The following CERS5 variants were observed in gnomAD, a reference collection of about 807,000 sequenced individuals.
The protein encoded by CERS5 is ceramide synthase 5.
CERS5 carries 37 observed loss-of-function variants against 58.9 expected under a neutral mutation model. The observed-to-expected ratio is 0.63, with a 90% CI of 0.48 to 0.83. The LOEUF (loss-of-function observed/expected upper bound fraction) is 0.83, where lower values mean the gene tolerates loss of function less well. Ranked by LOEUF, CERS5 falls within the 40% of genes least tolerant of loss-of-function variation. CERS5 has a pLI of 0.00. For missense variants in CERS5, 398 were observed against 489.3 expected (o/e 0.81, Z 1.76); for synonymous variants, 147 against 177.8 (o/e 0.83, Z 1.38).
chr12:50,129,338 T>G lies in CERS5; in HGVS notation c.*1207A>C, dbSNP rs1951187810. On this transcript the variant is annotated 3_prime_UTR_variant, in exon 10 of 10. Transcript: ENST00000317551. The stretch of plus-strand genomic sequence containing the variant: ...TTATCCAATTGCATCTTTTGTCAGA[T>G]TAGCTACACCAACCAATCCAGTTTG... 3 of 152,198 alleles carry G rather than the reference T, an allele frequency of 2.0e-5. No homozygotes were observed. The highest frequency in any genetic ancestry group is 2.0e-4 in the Admixed American group (3 of 15,266). The allele number at this position is 152,198 out of a possible 1,614,324, so 9.4% of individuals were successfully genotyped here. A position where few individuals can be genotyped will look rare whatever the true frequency, so the allele number is the denominator to read the frequency against.
At chr12:50,142,841 T>G (rs1012829308) in intron 3 of CERS5, among the ~76,000 whole-genome samples, 1 of 152,176 alleles carries the variant, frequency 6.6e-6, no homozygotes, top group African/African-American at 2.4e-5. Flanking sequence ...TCCCAATCTA[T>G]TTAGGAAAAG....
At chr12:50,134,987 G>A (rs1433956562) in intron 8 of CERS5, among the ~76,000 whole-genome samples, 1 of 151,936 alleles carries the variant, frequency 6.6e-6, no homozygotes, top group Non-Finnish European at 1.5e-5. Context: ...TAGGACAGCA[G>A]TGGGACTCTA....
At chr12:50,157,998 G>T (rs186395689) in intron 1 of CERS5, among the ~76,000 whole-genome samples, 1 of 138,972 alleles carries the variant, frequency 7.2e-6, no homozygotes, top group African/African-American at 2.6e-5. Flanking sequence ...GGAGGTGGAA[G>T]TTGCAGTGAT....
At chr12:50,133,583 A>G (rs1300908369) in intron 9 of CERS5, 6 of 985,294 alleles carry the variant, frequency 6.1e-6, no homozygotes, top group East Asian at 1.1e-4. Flanking sequence ...ATGGTTCTGC[A>G]TATGATTTCC....
At chr12:50,140,819 T>C (rs1951932122) in intron 4 of CERS5, among the ~76,000 whole-genome samples, 1 of 150,936 alleles carries the variant, frequency 6.6e-6, no homozygotes, top group Non-Finnish European at 1.5e-5. Context: ...ATGTCATTCA[T>C]ATCTTTTACA....
intron 1 of CERS5, among the ~76,000 whole-genome samples, chr12:50,164,177 C>T (rs1407023498): frequency 1.3e-5 from 2 of 151,782 alleles, no homozygotes; most frequent in Non-Finnish European, 2.9e-5. Flanking sequence ...CCAGGCTGGT[C>T]TCGAACTCCT....
chr12:50,134,268 A>T, intron 9 of CERS5: 1 of 528,460 alleles, frequency 1.9e-6, no homozygotes. Flanking sequence ...AGTCCCAGCT[A>T]CTTGGGAGGC....
chr12:50,165,901 A>G (rs1344003690), intron 1 of CERS5: 1 of 452,636 alleles, frequency 2.2e-6, no homozygotes, highest in East Asian at 7.1e-5. Flanking sequence ...GTATAAATTC[A>G]CATTATAATA....
At chr12:50,151,119 C>A (rs1937911495) in intron 1 of CERS5, among the ~76,000 whole-genome samples, 1 of 152,082 alleles carries the variant, frequency 6.6e-6, no homozygotes, top group South Asian at 2.1e-4. Flanking sequence ...CCCTCCCGGT[C>A]CCTAGCACCC....
rs1951251204 is a variant in CERS5 at position 50,130,383 on chromosome 12, A to C, written c.*162T>G. The stretch of plus-strand genomic sequence containing the variant: ...AGAACCTGGAGGCTATTAAATACAA[A>C]ATGGCAGTTTTCTTTCAAAGTGAAA... On this transcript the variant is annotated 3_prime_UTR_variant, in exon 10 of 10. Transcript: ENST00000317551. 1 of 571,176 alleles carries C rather than the reference A, an allele frequency of 1.8e-6. No homozygotes were observed. The highest frequency in any genetic ancestry group is 2.9e-6 in the Non-Finnish European group (1 of 340,298). 35.4% of individuals were successfully genotyped at this position (571,176 alleles called of 1,614,324 possible). A position where few individuals can be genotyped will look rare whatever the true frequency, so the allele number is the denominator to read the frequency against.
chr12:50,142,975 T>C (rs1952054933), intron 3 of CERS5, 99 bp downstream of exon 3: 3 of 1,308,582 alleles, frequency 2.3e-6, no homozygotes, highest in Non-Finnish European at 3.1e-6. Flanking sequence ...ATCCATTAAC[T>C]GTTGTCCTAA....
In CERS5 at chr12:50,135,938, T is replaced by C. The variant is rs377554217; in HGVS notation, c.765+3A>G. 1.4e-5 allele frequency: 21 copies of C among 1,548,012 alleles called. No homozygotes were observed. Among genetic ancestry groups the C allele is most frequent in the Admixed American group, 4.2e-5 (2 of 47,602 alleles). On this transcript the variant is annotated splice_donor_region_variant and intron_variant, in intron 7 of 9. Coordinates refer to ENST00000317551, the MANE Select transcript of CERS5 (RefSeq NM_147190.5). The stretch of plus-strand genomic sequence containing the variant: ...GATGGAGAAAGAGAGATTGGGTTTT[T>C]ACCTCCAGCAAGAAGTCTGAGACAT...
chr12:50,154,274 AC>A, intron 1 of CERS5: 1 of 340,720 alleles, frequency 2.9e-6, no homozygotes, highest in Admixed American at 3.6e-5. Context: ...AATCGCTTGA[AC>A]CAGGGAGTCG....
At chr12:50,161,869 C>CTT (rs765766688) in intron 1 of CERS5, among the ~76,000 whole-genome samples, 1,471 of 67,256 alleles carry the variant, frequency 0.022, 38 homozygotes, top group Non-Finnish European at 0.024. Context: ...TGTTCTTCTT[C>CTT]TTTTTTTTTT....
intron 9 of CERS5, chr12:50,133,763 A>T: frequency 1.0e-6 from 1 of 985,660 alleles, no homozygotes. Context: ...TCTTGCGTCT[A>T]AGTCACATCT....
chr12:50,149,016 A>G (rs1386792626), intron 1 of CERS5, among the ~76,000 whole-genome samples: 2 of 148,760 alleles, frequency 1.3e-5, no homozygotes, highest in Non-Finnish European at 3.0e-5. Context: ...GAAAACATGT[A>G]CATTTTCCCC....
chr12:50,141,092 C>G (rs889398229), intron 4 of CERS5, among the ~76,000 whole-genome samples: 2 of 152,058 alleles, frequency 1.3e-5, no homozygotes, highest in Non-Finnish European at 2.9e-5. Flanking sequence ...GCTCTGTCAC[C>G]CAGGTTGGAA....
At chr12:50,132,875 A>G in intron 9 of CERS5, 1 of 1,261,872 alleles carries the variant, frequency 7.9e-7, no homozygotes. Flanking sequence ...AGACAAACAC[A>G]AGGGAACAGA....
intron 1 of CERS5, among the ~76,000 whole-genome samples, chr12:50,145,498 T>C (rs927375546): frequency 6.6e-6 from 1 of 152,150 alleles, no homozygotes; most frequent in African/African-American, 2.4e-5. Context: ...TGAGCTGCAT[T>C]TGAACCTAGA....
Sources: gnomAD v4.1 joint callset for allele counts (sites outside exome capture counted in the v4.1 genomes callset) on GRCh38, gnomAD v4.1.1 for gene constraint, MANE v1.5 for transcripts, NCBI Gene and HGNC (gene_info 2026-07-23, HGNC 2026-07-21) for gene names.